The following IQGAP2 variants were observed in gnomAD, a reference collection of about 807,000 sequenced individuals.
IQGAP2 encodes the protein IQ motif containing GTPase activating protein 2, also known as ras GTPase-activating-like protein IQGAP2.
In IQGAP2, 173 loss-of-function variants were observed where a neutral mutation model predicts 201.3. The ratio of observed to expected loss-of-function variants is 0.86; its 90% CI spans 0.76 to 0.98. The LOEUF (loss-of-function observed/expected upper bound fraction) is 0.98. Among genes scored for constraint, IQGAP2 ranks in the 50% least tolerant of loss-of-function variants. The probability of loss-of-function intolerance (pLI) is 0.00; values close to 1 mark genes in which losing one functional copy is unlikely to be tolerated. For missense variants in IQGAP2, 1,687 were observed against 1,864.8 expected, an observed-to-expected ratio of 0.90 and a Z score of 1.76; for synonymous variants, 675 against 673.9, an observed-to-expected ratio of 1.00 and a Z score of -0.03.
chr5:76,666,181 G>A (rs139939212), intron 22 of IQGAP2, among the ~76,000 whole-genome samples: 51 of 152,296 alleles, frequency 3.3e-4, no homozygotes, highest in Non-Finnish European at 5.6e-4. Context: ...TCAAACATAC[G>A]AACATCTTCA....
intron 2 of IQGAP2, among the ~76,000 whole-genome samples, chr5:76,528,775 T>C (rs1315550401): frequency 6.6e-6 from 1 of 152,228 alleles, no homozygotes; most frequent in African/African-American, 2.4e-5. Context: ...GCATGCCATT[T>C]AGACTCTAGG....
At position 76,671,773 on chromosome 5, in the gene IQGAP2, A is replaced by G. The variant is rs752494336; in HGVS notation, c.2858A>G (p.Gln953Arg). The G allele has an allele frequency of 7.4e-6, 12 of 1,613,126 alleles. No homozygotes were observed. In the Middle Eastern group the frequency reaches 1.2e-3, roughly 155 times the overall value. The change falls in exon 24 of 36, where the codon CAG becomes CGG. Residue 953 changes from glutamine (Q) to arginine (R), a missense_variant. Physicochemically the swap from Gln to Arg is conservative, Grantham distance 43. Transcript: ENST00000274364. ...LEEEIKSKVDQVQDIVTGNPT... is the reference protein window; with the variant it reads ...LEEEIKSKVDRVQDIVTGNPT... ...GGCTTTTTTAGATCAAAAGTGGACC[A>G]GGTACAGGACATAGTTACTGGTAAC...
intron 11 of IQGAP2, among the ~76,000 whole-genome samples, chr5:76,605,824 A>C (rs1747764531): frequency 6.6e-6 from 1 of 152,236 alleles, no homozygotes; most frequent in African/African-American, 2.4e-5. Context: ...GCCCTGTAAC[A>C]ATCATCTGAA....
At chr5:76,568,833 A>G (rs553611224) in intron 3 of IQGAP2, among the ~76,000 whole-genome samples, 14 of 152,320 alleles carry the variant, frequency 9.2e-5, no homozygotes, top group South Asian at 8.3e-4. Flanking sequence ...TCATCAGTAA[A>G]GAAAGCAGAG....
At chr5:76,489,132 C>T (rs1458771030) in intron 2 of IQGAP2, among the ~76,000 whole-genome samples, 5 of 152,166 alleles carry the variant, frequency 3.3e-5, no homozygotes, top group Non-Finnish European at 7.3e-5. Context: ...CTCCGTGCCT[C>T]GCAGTGGTAG....
At chr5:76,444,948 A>C (rs908606957) in intron 1 of IQGAP2, among the ~76,000 whole-genome samples, 1 of 152,248 alleles carries the variant, frequency 6.6e-6, no homozygotes, top group African/African-American at 2.4e-5. Flanking sequence ...GTTCTGTCTT[A>C]AAGAGAATTA....
At chr5:76,616,309 C>G (rs1229493217) in intron 13 of IQGAP2, 1 of 152,410 alleles carries the variant, frequency 6.6e-6, no homozygotes, top group African/African-American at 2.4e-5. Flanking sequence ...GCTTTTCAGT[C>G]TGAGGCAGAG....
intron 13 of IQGAP2, among the ~76,000 whole-genome samples, chr5:76,619,895 A>C (rs1215345823): frequency 1.3e-5 from 2 of 152,038 alleles, no homozygotes; most frequent in Non-Finnish European, 2.9e-5. Flanking sequence ...ATATAAGGGG[A>C]AGGTAAGAGG....
Position 76,674,477 on chromosome 5 carries a change from A to T in IQGAP2, c.3295A>T (p.Ile1099Phe). Residue 1099 changes from isoleucine (I) to phenylalanine (F), a missense_variant and splice_region_variant, in exon 27 of 36, where the codon ATT becomes TTT. Ile to Phe is a conservative substitution (Grantham distance 21, BLOSUM62 0). Transcript: ENST00000274364. ...PDATEDELLK[I>F]VGNLLYYRYM... ...GTCATGCACTTCTGCGTCACTCCAGATTGTTGGAAACCTCCTGTACTATCG... is the reference window on the plus strand; with the variant it reads ...GTCATGCACTTCTGCGTCACTCCAGTTTGTTGGAAACCTCCTGTACTATCG... The T allele has an allele frequency of 6.2e-7, 1 of 1,605,628 alleles. No homozygotes were observed. Among genetic ancestry groups the T allele is most frequent in the Non-Finnish European group, 8.5e-7 (1 of 1,172,692 alleles).
At chr5:76,614,196 A>G (rs1050985150) in intron 13 of IQGAP2, among the ~76,000 whole-genome samples, 2 of 152,114 alleles carry the variant, frequency 1.3e-5, no homozygotes, top group Non-Finnish European at 2.9e-5. Flanking sequence ...TCCAATCTAG[A>G]TTGAGATGGA....
At chr5:76,579,673 T>C (rs1023751001) in intron 5 of IQGAP2, among the ~76,000 whole-genome samples, 2 of 152,150 alleles carry the variant, frequency 1.3e-5, no homozygotes, top group Non-Finnish European at 2.9e-5. Flanking sequence ...ATTTTTTTTT[T>C]AATTAGTTGG....
rs758501145 is a variant in IQGAP2 at position 76,672,001 on chromosome 5, G to A, written c.3068+18G>A. On this transcript the variant is annotated intron_variant, in intron 24 of 35. Transcript: ENST00000274364. Reference sequence around the variant, plus strand: ...GAGGCCAGGTAATAGAATCAGGAAGGTGTTGGTCTTCTGTTATGTTTTATG... The same window carrying A: ...GAGGCCAGGTAATAGAATCAGGAAGATGTTGGTCTTCTGTTATGTTTTATG... 5.8e-6 allele frequency: 9 copies of A among 1,558,486 alleles called. No individual in the cohort carries two copies. The African/African-American group carries it at 9.5e-5, about 16-fold the overall frequency.
In IQGAP2 at chr5:76,575,736, T is replaced by C; in HGVS notation, c.425T>C (p.Ile142Thr). 2 of 1,595,528 alleles carry C rather than the reference T, an allele frequency of 1.3e-6. No homozygotes were observed. The highest frequency in any genetic ancestry group is 1.7e-6 in the Non-Finnish European group (2 of 1,169,020). The change falls in exon 5 of 36, where the codon ATA becomes ACA. Residue 142 changes from isoleucine (I) to threonine (T), a missense_variant. By Grantham distance (89) the Ile-to-Thr change is moderately conservative (BLOSUM62 -1). Coordinates refer to ENST00000274364, the MANE Select transcript of IQGAP2 (RefSeq NM_006633.5). The stretch of plus-strand genomic sequence containing the variant: ...ACAGATGTCTATGATCGGAAAAACA[T>C]ACCAAGAATGATATATTGCATTCAC... ...ETTDVYDRKN[I>T]PRMIYCIHAL... is the part of the protein sequence containing the mutation.
chr5:76,695,444 C>T lies in IQGAP2; in HGVS notation c.3994-10C>T. 1 of 1,610,944 alleles carries T rather than the reference C, an allele frequency of 6.2e-7. No individual in the cohort carries two copies. The highest frequency in any genetic ancestry group is 2.2e-5 in the East Asian group (1 of 44,856). On this transcript the variant is annotated splice_polypyrimidine_tract_variant and intron_variant, in intron 31 of 35. Coordinates refer to ENST00000274364, the MANE Select transcript of IQGAP2 (RefSeq NM_006633.5). ...AGAGAAAACTCAGCATCTTGATATT[C>T]TCTTTTCAGGAGGTAGACCATGCCA...
chr5:76,559,057 C>G (rs1386105266), intron 2 of IQGAP2, among the ~76,000 whole-genome samples: 1 of 152,256 alleles, frequency 6.6e-6, no homozygotes, highest in East Asian at 1.9e-4. Flanking sequence ...CCCGCCACCA[C>G]GACCGGCTAA....
intron 2 of IQGAP2, among the ~76,000 whole-genome samples, chr5:76,504,935 C>T (rs1178754822): frequency 2.6e-5 from 4 of 152,128 alleles, no homozygotes; most frequent in East Asian, 1.9e-4. Context: ...TAGGTGGACC[C>T]TCCTCCCCTT....
chr5:76,563,370 A>G (rs1032270029), intron 3 of IQGAP2, among the ~76,000 whole-genome samples: 1 of 152,264 alleles, frequency 6.6e-6, no homozygotes, highest in East Asian at 1.9e-4. Flanking sequence ...TTTTAGAGAT[A>G]CATATCAAAG....
At chr5:76,532,846 T>C (rs898403715) in intron 2 of IQGAP2, among the ~76,000 whole-genome samples, 1 of 152,212 alleles carries the variant, frequency 6.6e-6, no homozygotes, top group Non-Finnish European at 1.5e-5. Context: ...GCAATTTCCC[T>C]TCACTCCCAT....
chr5:76,660,370 G>C (rs1743145563), intron 21 of IQGAP2: 1 of 152,174 alleles, frequency 6.6e-6, no homozygotes, highest in Non-Finnish European at 1.5e-5. Flanking sequence ...AAAAACAACA[G>C]TACTTTTTAA....
Sources: allele counts gnomAD v4.1 joint callset (sites outside exome capture counted in the v4.1 genomes callset), GRCh38; gene constraint gnomAD v4.1.1; transcripts MANE v1.5; gene names NCBI Gene and HGNC (gene_info 2026-07-23, HGNC 2026-07-21).